Variants in ZFYVE26 observed in about 807,000 individuals in gnomAD.
The protein encoded by ZFYVE26 is zinc finger FYVE domain-containing protein 26.
Under a neutral mutation model 276.5 loss-of-function variants are expected in ZFYVE26, and 181 were observed. The observed-to-expected ratio is 0.65, with a 90% CI of 0.58 to 0.74. The LOEUF is 0.74. ZFYVE26 is among the 30% of genes least tolerant of loss of function. The pLI, the probability that ZFYVE26 is intolerant of heterozygous loss-of-function variation, is 0.00. For synonymous variants in ZFYVE26, 1,129 were observed against 1,203.1 expected (o/e 0.94, Z 1.27); for missense variants, 2,821 against 3,097.9 (o/e 0.91, Z 2.12).
At position 67,777,710 on chromosome 14, in the gene ZFYVE26, G is replaced by T. The variant is rs780959925; in HGVS notation, c.4823C>A (p.Thr1608Asn). The T allele has an allele frequency of 6.2e-7, 1 of 1,614,218 alleles. No individual in the cohort carries two copies. Among genetic ancestry groups the T allele is most frequent in the Non-Finnish European group, 8.5e-7 (1 of 1,180,026 alleles). ...LQLLRRIPDPTMCLEVTEQSL... is the reference protein window; with the variant it reads ...LQLLRRIPDPNMCLEVTEQSL... Reference sequence around the variant, plus strand: ...TTGCTCTGTCACTTCAAGGCACATGGTGGGGTCAGGGATTCTTCGCAGGAG... The same window carrying T: ...TTGCTCTGTCACTTCAAGGCACATGTTGGGGTCAGGGATTCTTCGCAGGAG... The change falls in exon 25 of 42, where the codon ACC (threonine) becomes AAC (asparagine). Residue 1608 changes from threonine (T) to asparagine (N), a missense_variant. Transcript: ENST00000347230.
At chr14:67,754,889 T>C (rs1284391049) in intron 37 of ZFYVE26, among the ~76,000 whole-genome samples, 162 bp downstream of exon 37, 1 of 152,194 alleles carries the variant, frequency 6.6e-6, no homozygotes, top group Non-Finnish European at 1.5e-5. Flanking sequence ...CCAGCTCCTC[T>C]GTAGGCTTTC....
At position 67,748,497 on chromosome 14, in the gene ZFYVE26, C is replaced by G. The variant is rs1555392769; in HGVS notation, c.7559G>C (p.Cys2520Ser). 5.6e-6 allele frequency: 9 copies of G among 1,613,674 alleles called. No individual in the cohort carries two copies. The highest frequency in any genetic ancestry group is 7.6e-6 in the Non-Finnish European group (9 of 1,179,940). Residue 2520 changes from cysteine to serine, a missense_variant, in exon 42 of 42, where the codon TGT (cysteine) becomes TCT (serine). Coordinates refer to ENST00000347230, the MANE Select transcript of ZFYVE26 (RefSeq NM_015346.4). ...GTGGCTTGTCAGAAGCCACTGGGCACAGATGTCTTGCACTACTGCATCCCC... is the reference window on the plus strand; with the variant it reads ...GTGGCTTGTCAGAAGCCACTGGGCAGAGATGTCTTGCACTACTGCATCCCC... ...SSGDAVVQDI[C>S]AQWLLTSHPR...
At chr14:67,754,036 A>G in intron 38 of ZFYVE26, 35 bp downstream of exon 38, 1 of 1,614,162 alleles carries the variant, frequency 6.2e-7, no homozygotes, top group Non-Finnish European at 8.5e-7. Flanking sequence ...AAAAGATGAC[A>G]ATAGTCTGCC....
In ZFYVE26 at chr14:67,766,241, C is replaced by T. The variant is rs1222394940; in HGVS notation, c.5997G>A (p.Leu1999=). ...MFVKAGQSQD[L]ALCDSYISKV... ...CTGCCCTCTACCTGTCACAAAGAGC[C>T]AAGTCTTGGCTCTGGCCGGCTTTGA... Residue 1999 remains leucine (L), a synonymous_variant, in exon 32 of 42, where the codon TTG becomes TTA. Transcript: ENST00000347230. 1 of 1,614,052 alleles carries T rather than the reference C, an allele frequency of 6.2e-7. No individual in the cohort carries two copies. The highest frequency in any genetic ancestry group is 8.5e-7 in the Non-Finnish European group (1 of 1,180,028).
intron 28 of ZFYVE26, 33 bp from the exon 29 acceptor site, chr14:67,769,763 G>A: frequency 2.5e-6 from 4 of 1,613,692 alleles, no homozygotes; most frequent in Non-Finnish European, 3.4e-6. Flanking sequence ...GAAGAAAGAG[G>A]GAGGAGAGAA....
intron 33 of ZFYVE26, 26 bp from the exon 34 acceptor site, chr14:67,762,438 T>G: frequency 6.2e-7 from 1 of 1,604,884 alleles, no homozygotes; most frequent in South Asian, 1.1e-5. Flanking sequence ...CCCCTTTTAG[T>G]GAGTGGTAGC....
intron 15 of ZFYVE26, among the ~76,000 whole-genome samples, 192 bp from the exon 16 acceptor site, chr14:67,789,790 C>T (rs2039763486): frequency 2.6e-5 from 4 of 152,174 alleles, no homozygotes; most frequent in Non-Finnish European, 1.5e-5. Flanking sequence ...GACCAAGAGA[C>T]TCAGAGTGGT....
chr14:67,790,911 T>G (rs571389632), intron 14 of ZFYVE26, 138 bp from the exon 15 acceptor site: 1 of 779,290 alleles, frequency 1.3e-6, no homozygotes, highest in Non-Finnish European at 2.2e-6. Context: ...GAGCACTGAA[T>G]GTTAGAAGAG....
At chr14:67,743,501 TA>T (rs1296875637), downstream of ZFYVE26, among the ~76,000 whole-genome samples, 10 of 1,190 alleles carry the variant, frequency 8.4e-3, no homozygotes, top group African/African-American at 9.1e-3. Context: ...AGTATAATAA[TA>T]AAATAAAATA....
chr14:67,761,219 CCT>C, intron 35 of ZFYVE26, 145 bp downstream of exon 35: 1 of 773,494 alleles, frequency 1.3e-6, no homozygotes, highest in Non-Finnish European at 2.2e-6. Context: ...TGCAGAGTCC[CCT>C]GTTTTGACTT....
In ZFYVE26 at chr14:67,751,084, G is replaced by A. The variant is rs761032290; in HGVS notation, c.7384C>T (p.Leu2462=). The A allele has an allele frequency of 2.5e-6, 4 of 1,614,064 alleles. No individual in the cohort carries two copies. Among genetic ancestry groups the A allele is most frequent in the South Asian group, 2.2e-5 (2 of 91,088 alleles). The part of the protein sequence containing the change: ...KRIPPQELEG[L]IQAIHNDDNK... ...TCATCATTGTGTATTGCCTGGATCA[G>A]GCCCTCCAGCTCCTGTGCAGAACAG... Residue 2462 remains leucine, a synonymous_variant, in exon 41 of 42, where the codon CTG becomes TTG. Transcript: ENST00000347230.
At chr14:67,790,842 G>A (rs1488384504) in intron 14 of ZFYVE26, 69 bp from the exon 15 acceptor site, 3 of 1,438,412 alleles carry the variant, frequency 2.1e-6, no homozygotes, top group Admixed American at 3.3e-5. Flanking sequence ...ATGGATAGGA[G>A]ATCTTGCCAA....
At chr14:67,754,918 T>G in intron 37 of ZFYVE26, 133 bp downstream of exon 37, 1 of 1,038,050 alleles carries the variant, frequency 9.6e-7, no homozygotes, top group Non-Finnish European at 1.5e-6. Context: ...TACTACACAC[T>G]GTCATCCAGG....
At chr14:67,782,266 TCAAA>T (rs2039520181) in intron 21 of ZFYVE26, among the ~76,000 whole-genome samples, 3 of 152,356 alleles carry the variant, frequency 2.0e-5, no homozygotes, top group African/African-American at 7.2e-5. Context: ...GCAGTGGTCA[TCAAA>T]CAGACCCACA....
chr14:67,797,865 C>A, intron 11 of ZFYVE26, 110 bp from the exon 12 acceptor site: 1 of 1,573,268 alleles, frequency 6.4e-7, no homozygotes, highest in South Asian at 1.1e-5. Context: ...AGACATGGAG[C>A]ATACCCCAGT....
At chr14:67,772,642 G>C (rs1237728342) in intron 27 of ZFYVE26, among the ~76,000 whole-genome samples, 2 of 152,204 alleles carry the variant, frequency 1.3e-5, no homozygotes, top group African/African-American at 4.8e-5. Context: ...ATTGATTAAA[G>C]GCGCTTTAAG....
chr14:67,802,411 G>T, intron 9 of ZFYVE26, 129 bp from the exon 10 acceptor site: 1 of 919,834 alleles, frequency 1.1e-6, no homozygotes, highest in Non-Finnish European at 1.7e-6. Flanking sequence ...TCTCCTTTCT[G>T]TCGGTCTGAT....
intron 20 of ZFYVE26, 54 bp downstream of exon 20, chr14:67,784,280 A>G (rs773375393): frequency 5.4e-6 from 8 of 1,472,250 alleles, no homozygotes; most frequent in Admixed American, 3.3e-5. Context: ...CCTTGGCTAT[A>G]TTGATGAAAT....
chr14:67,776,236 C>T (rs1030002014), intron 25 of ZFYVE26, 130 bp from the exon 26 acceptor site: 32 of 1,329,542 alleles, frequency 2.4e-5, no homozygotes, highest in Admixed American at 2.1e-4. Flanking sequence ...GAAACAGACT[C>T]GCAGTCTTTT....
Sources: allele counts gnomAD v4.1 joint callset (sites outside exome capture counted in the v4.1 genomes callset), GRCh38; gene constraint gnomAD v4.1.1; transcripts MANE v1.5; gene names NCBI Gene and HGNC (gene_info 2026-07-23, HGNC 2026-07-21).